ROBO2: variants seen among roughly 807,000 people sequenced by gnomAD.
ROBO2 encodes the protein roundabout homolog 2.
ROBO2 carries 53 observed loss-of-function variants against 160.8 expected under a neutral mutation model. The ratio of observed to expected loss-of-function variants is 0.33; its 90% CI spans 0.26 to 0.41. The LOEUF (loss-of-function observed/expected upper bound fraction) is 0.41, where lower values mean the gene tolerates loss of function less well. Among genes scored for constraint, ROBO2 ranks in the 10% least tolerant of loss-of-function variants. The pLI, the probability that ROBO2 is intolerant of heterozygous loss-of-function variation, is 1.00. For missense variants in ROBO2, 1,577 were observed against 1,722.4 expected, an observed-to-expected ratio of 0.92 and a Z score of 1.49; for synonymous variants, 664 against 611.7, an observed-to-expected ratio of 1.09 and a Z score of -1.26.
At chr3:75,948,372 A>T (rs1175012504) in intron 2 of ROBO2, among the ~76,000 whole-genome samples, 2 of 152,140 alleles carry the variant, frequency 1.3e-5, no homozygotes, top group Non-Finnish European at 2.9e-5. Flanking sequence ...GATGAGGAGA[A>T]TGCTAATCAT....
chr3:76,421,543 G>A (rs762690914), intron 2 of ROBO2, among the ~76,000 whole-genome samples: 1 of 151,946 alleles, frequency 6.6e-6, no homozygotes, highest in African/African-American at 2.4e-5. Flanking sequence ...CCTGACCAAC[G>A]TGGAGAAACC....
intron 1 of ROBO2, among the ~76,000 whole-genome samples, chr3:77,093,325 GC>G (rs2070582078): frequency 6.6e-6 from 1 of 152,086 alleles, no homozygotes; most frequent in African/African-American, 2.4e-5. Context: ...CTGTTTCATG[GC>G]ACTTCCTGTG....
At chr3:76,300,511 G>A (rs933563180) in intron 2 of ROBO2, among the ~76,000 whole-genome samples, 6 of 151,870 alleles carry the variant, frequency 4.0e-5, no homozygotes, top group African/African-American at 9.7e-5. Flanking sequence ...ATCACTCATC[G>A]TCTGGTGAAT....
intron 2 of ROBO2, among the ~76,000 whole-genome samples, chr3:77,310,509 TC>T (rs148973863): frequency 6.0e-4 from 91 of 152,260 alleles, no homozygotes; most frequent in African/African-American, 2.0e-3. Context: ...AAAAGATTGA[TC>T]TTGTGTCTAT....
intron 2 of ROBO2, among the ~76,000 whole-genome samples, chr3:77,324,742 A>G (rs2153435467): frequency 6.7e-6 from 1 of 148,764 alleles, no homozygotes; most frequent in Non-Finnish European, 1.5e-5. Context: ...AGATCGCGCC[A>G]CTGCACTCCA....
chr3:76,124,978 T>G (rs1294714115), intron 2 of ROBO2, among the ~76,000 whole-genome samples: 1 of 152,076 alleles, frequency 6.6e-6, no homozygotes, highest in East Asian at 1.9e-4. Context: ...GATGGGTACT[T>G]TTTCAACCCA....
At chr3:76,923,813 T>C (rs893631727) in intron 2 of ROBO2, among the ~76,000 whole-genome samples, 2 of 152,240 alleles carry the variant, frequency 1.3e-5, no homozygotes, top group African/African-American at 4.8e-5. Context: ...TTTCTTTCTG[T>C]GCTTCTCCCA....
At chr3:75,958,693 A>G (rs1046947151) in intron 2 of ROBO2, among the ~76,000 whole-genome samples, 1 of 151,736 alleles carries the variant, frequency 6.6e-6, no homozygotes, top group African/African-American at 2.4e-5. Context: ...ATCAATGGGA[A>G]AATATTGAAC....
chr3:76,841,370 T>A (rs1221063620), intron 2 of ROBO2, among the ~76,000 whole-genome samples: 1 of 152,128 alleles, frequency 6.6e-6, no homozygotes, highest in East Asian at 1.9e-4. Context: ...TTATAACTTA[T>A]AGATGCCAAC....
At chr3:76,996,321 T>C (rs1342703771) in intron 2 of ROBO2, among the ~76,000 whole-genome samples, 1 of 152,232 alleles carries the variant, frequency 6.6e-6, no homozygotes, top group African/African-American at 2.4e-5. Context: ...ATCTCTGTTT[T>C]GGTACCAGTA....
chr3:76,685,616 C>A (rs376387577), intron 2 of ROBO2, among the ~76,000 whole-genome samples: 5 of 152,174 alleles, frequency 3.3e-5, no homozygotes, highest in African/African-American at 1.2e-4. Context: ...TTTAAAAACA[C>A]TTTCTAACTA....
intron 2 of ROBO2, among the ~76,000 whole-genome samples, chr3:76,865,664 A>G (rs2071293337): frequency 6.6e-6 from 1 of 152,116 alleles, no homozygotes; most frequent in Non-Finnish European, 1.5e-5. Flanking sequence ...AATGTCATTG[A>G]TATAAATGTC....
At chr3:77,014,766 G>A (rs2062133588) in intron 2 of ROBO2, among the ~76,000 whole-genome samples, 1 of 150,766 alleles carries the variant, frequency 6.6e-6, no homozygotes, top group Non-Finnish European at 1.5e-5. Flanking sequence ...GCCAGGTGAT[G>A]GCCATTTGCA....
At chr3:76,081,313 A>G (rs866569151) in intron 2 of ROBO2, among the ~76,000 whole-genome samples, 5 of 152,038 alleles carry the variant, frequency 3.3e-5, no homozygotes, top group African/African-American at 7.2e-5. Flanking sequence ...TCCCAGCTCT[A>G]CTTCCTAATA....
At chr3:76,291,981 A>G (rs1187769116) in intron 2 of ROBO2, among the ~76,000 whole-genome samples, 1 of 151,834 alleles carries the variant, frequency 6.6e-6, no homozygotes, top group Non-Finnish European at 1.5e-5. Flanking sequence ...AGAAGTATGT[A>G]TATTCTCTTG....
chr3:77,421,849 T>C (rs1474496246), intron 2 of ROBO2, among the ~76,000 whole-genome samples: 1 of 152,184 alleles, frequency 6.6e-6, no homozygotes, highest in East Asian at 1.9e-4. Context: ...AAATAAATTA[T>C]ATCAGCCTGA....
At chr3:76,019,073 C>T (rs535126951) in intron 2 of ROBO2, among the ~76,000 whole-genome samples, 1 of 151,740 alleles carries the variant, frequency 6.6e-6, no homozygotes, top group East Asian at 1.9e-4. Flanking sequence ...TTATGGCCTC[C>T]CCACATGGTT....
At chr3:77,610,252 AT>A (rs1344408733) in intron 21 of ROBO2, among the ~76,000 whole-genome samples, 1 of 152,154 alleles carries the variant, frequency 6.6e-6, no homozygotes, top group Non-Finnish European at 1.5e-5. Context: ...TTTTTCTATA[AT>A]TTAGAACCTT....
chr3:76,748,225 A>G (rs929737158), intron 2 of ROBO2, among the ~76,000 whole-genome samples: 1 of 151,892 alleles, frequency 6.6e-6, no homozygotes, highest in Non-Finnish European at 1.5e-5. Context: ...GAAGGTGAGG[A>G]TATTGGGTTT....
Sources: allele counts gnomAD v4.1 joint callset (sites outside exome capture counted in the v4.1 genomes callset), GRCh38; gene constraint gnomAD v4.1.1; transcripts MANE v1.5; gene names NCBI Gene and HGNC (gene_info 2026-07-23, HGNC 2026-07-21).